Variants in SORCS3 observed in about 807,000 individuals in gnomAD.
The protein encoded by SORCS3 is sortilin related VPS10 domain containing receptor 3.
SORCS3 carries 57 observed loss-of-function variants against 146.3 expected under a neutral mutation model. That is an observed-to-expected ratio of 0.39 (90% CI 0.31 to 0.49). SORCS3 has a LOEUF of 0.49. Ranked by LOEUF, SORCS3 falls within the 20% of genes least tolerant of loss-of-function variation. The pLI is 0.92. For synonymous variants in SORCS3, 653 were observed against 618.5 expected, an observed-to-expected ratio of 1.06 and a Z score of -0.83; for missense variants, 1,341 against 1,575.5, an observed-to-expected ratio of 0.85 and a Z score of 2.52.
intron 1 of SORCS3, among the ~76,000 whole-genome samples, chr10:104,743,052 G>A (rs2016867941): frequency 6.6e-6 from 1 of 152,168 alleles, no homozygotes; most frequent in Middle Eastern, 3.2e-3. Flanking sequence ...TAATAATCCT[G>A]TGGGGTGGAT....
chr10:104,997,707 A>G (rs1027326268), intron 4 of SORCS3, among the ~76,000 whole-genome samples: 3 of 152,178 alleles, frequency 2.0e-5, no homozygotes, highest in African/African-American at 7.2e-5. Flanking sequence ...CTCTTCTTCA[A>G]TGTCTGTGTC....
At chr10:104,787,833 A>G (rs1414829372) in intron 1 of SORCS3, among the ~76,000 whole-genome samples, 2 of 152,212 alleles carry the variant, frequency 1.3e-5, no homozygotes, top group Admixed American at 1.3e-4. Flanking sequence ...GAGAAATTAC[A>G]ATTGTAACCA....
intron 11 of SORCS3, among the ~76,000 whole-genome samples, chr10:105,163,740 G>A (rs538944076): frequency 6.6e-6 from 1 of 152,252 alleles, no homozygotes; most frequent in East Asian, 1.9e-4. Context: ...TGATGGCCAT[G>A]GTATGCTGAG....
intron 4 of SORCS3, among the ~76,000 whole-genome samples, chr10:105,000,708 A>G (rs1038147030): frequency 4.6e-5 from 7 of 152,188 alleles, no homozygotes; most frequent in African/African-American, 1.7e-4. Flanking sequence ...GGCACTGATC[A>G]GAAGACAGTT....
At chr10:104,752,637 T>C (rs1181630555) in intron 1 of SORCS3, among the ~76,000 whole-genome samples, 1 of 152,196 alleles carries the variant, frequency 6.6e-6, no homozygotes, top group Non-Finnish European at 1.5e-5. Context: ...CCCATTGTGA[T>C]TGTTGTTACA....
intron 1 of SORCS3, among the ~76,000 whole-genome samples, chr10:104,695,009 G>A (rs1334113233): frequency 6.6e-6 from 1 of 152,058 alleles, no homozygotes; most frequent in Non-Finnish European, 1.5e-5. Flanking sequence ...CATGATCAGG[G>A]CTCGATAAAT....
chr10:104,923,311 T>G (rs898002045), intron 3 of SORCS3, among the ~76,000 whole-genome samples: 2 of 152,194 alleles, frequency 1.3e-5, no homozygotes, highest in African/African-American at 4.8e-5. Context: ...AGCTCTTAGT[T>G]ATATGACTAC....
At chr10:104,684,755 G>A (rs542979811) in intron 1 of SORCS3, among the ~76,000 whole-genome samples, 2 of 135,780 alleles carry the variant, frequency 1.5e-5, no homozygotes, top group Non-Finnish European at 3.1e-5. Context: ...CATAATGTCA[G>A]GTATTGGTTG....
intron 6 of SORCS3, among the ~76,000 whole-genome samples, chr10:105,097,080 G>T (rs1262890182): frequency 6.6e-6 from 1 of 152,144 alleles, no homozygotes; most frequent in Non-Finnish European, 1.5e-5. Context: ...ACAGAGCATG[G>T]CTTTTTCAGT....
chr10:105,243,077 A>ATTTATATATATTTATATG (rs1292321372), intron 20 of SORCS3, among the ~76,000 whole-genome samples: 4 of 138,872 alleles, frequency 2.9e-5, no homozygotes, highest in Non-Finnish European at 4.6e-5. Flanking sequence ...ATATTTATAT[A>ATTTATATATATTTATATG]TATATATTTA....
In SORCS3 at chr10:105,142,491, A is replaced by C. The variant is rs553467009; in HGVS notation, c.1302+3005A>C. Among the ~76,000 whole-genome samples, 7 of 152,252 alleles carry C rather than the reference A, an allele frequency of 4.6e-5. No individual in the cohort carries two copies. In the East Asian group the frequency reaches 1.4e-3, roughly 29 times the overall value. ...ATGCCTGCTAATTTGACTTGCTCAA[A>C]CTTAAAACCAGCTTTTCTCTTTCCT... On this transcript the variant is annotated intron_variant, in intron 8 of 26. Transcript: ENST00000369701.
intron 1 of SORCS3, among the ~76,000 whole-genome samples, chr10:104,742,349 G>A (rs2016858386): frequency 6.6e-6 from 1 of 152,204 alleles, no homozygotes; most frequent in South Asian, 2.1e-4. Context: ...CCTTAGTAGT[G>A]TGCTGTGTGG....
At chr10:105,051,137 G>A (rs1219168112) in intron 5 of SORCS3, among the ~76,000 whole-genome samples, 1 of 152,080 alleles carries the variant, frequency 6.6e-6, no homozygotes, top group Non-Finnish European at 1.5e-5. Context: ...TAAGAATATT[G>A]TTTATTGTAA....
intron 22 of SORCS3, among the ~76,000 whole-genome samples, chr10:105,248,240 A>T (rs553756443): frequency 6.6e-6 from 1 of 152,348 alleles, no homozygotes; most frequent in South Asian, 2.1e-4. Context: ...AGCTAGAGGC[A>T]TGGCCAGCAT....
rs770341269 is a variant in SORCS3, at chr10:105,167,342, C to T, written c.1894C>T (p.His632Tyr). The change falls in exon 13 of 27, where the codon CAT becomes TAT. Residue 632 changes from histidine (H) to tyrosine (Y), a missense_variant. Physicochemically the swap from His to Tyr is moderately conservative, Grantham distance 83 (BLOSUM62 2). Coordinates refer to ENST00000369701, the MANE Select transcript of SORCS3 (RefSeq NM_014978.3). ...GAAACACACACCTCTGCCAGTCAGG[C>T]ATTTGTGGTAAGGAGAGCTCCCTAC... ...AMKHTPLPVR[H>Y]LWVSFDEGHS... 6.2e-7 allele frequency: 1 copy of T among 1,612,892 alleles called. No homozygotes were observed. The highest frequency in any genetic ancestry group is 1.3e-5 in the African/African-American group (1 of 74,846).
At chr10:105,019,815 T>C (rs1249583392) in intron 4 of SORCS3, among the ~76,000 whole-genome samples, 1 of 152,198 alleles carries the variant, frequency 6.6e-6, no homozygotes, top group Non-Finnish European at 1.5e-5. Context: ...AGACCATCAA[T>C]AGGCATTTGT....
At chr10:105,213,420 G>A (rs1370666115) in intron 17 of SORCS3, among the ~76,000 whole-genome samples, 1 of 152,218 alleles carries the variant, frequency 6.6e-6, no homozygotes, top group East Asian at 1.9e-4. Context: ...TTGACATAGT[G>A]AGTGAAAGAA....
chr10:105,030,552 T>C (rs2055258677), intron 4 of SORCS3, among the ~76,000 whole-genome samples: 1 of 151,088 alleles, frequency 6.6e-6, no homozygotes, highest in South Asian at 2.1e-4. Context: ...ACTTAGGGGG[T>C]GAGGAAAGAA....
At chr10:104,943,940 A>G (rs2133620590) in intron 3 of SORCS3, among the ~76,000 whole-genome samples, 1 of 152,182 alleles carries the variant, frequency 6.6e-6, no homozygotes, top group Non-Finnish European at 1.5e-5. Context: ...TTCTTTTGAG[A>G]TGGGGTCTTG....
Sources: gnomAD v4.1 joint callset for allele counts (sites outside exome capture counted in the v4.1 genomes callset) on GRCh38, gnomAD v4.1.1 for gene constraint, MANE v1.5 for transcripts, NCBI Gene and HGNC (gene_info 2026-07-23, HGNC 2026-07-21) for gene names.